The following ARHGAP44 variants were observed in gnomAD, a reference collection of about 807,000 sequenced individuals.
ARHGAP44 encodes the protein rho GTPase-activating protein 44.
A neutral mutation model predicts 106.8 loss-of-function variants in ARHGAP44; 43 were observed. The ratio of observed to expected loss-of-function variants is 0.40; its 90% CI spans 0.32 to 0.52. ARHGAP44 has a LOEUF of 0.52. Among genes scored for constraint, ARHGAP44 ranks in the 20% least tolerant of loss-of-function variants. ARHGAP44 has a pLI of 0.48. For missense variants in ARHGAP44, 866 were observed against 1,050.5 expected (o/e 0.82, Z 2.43); for synonymous variants, 439 against 410.3 (o/e 1.07, Z -0.85).
At chr17:12,877,317 AAAG>A (rs2036586758) in intron 1 of ARHGAP44, among the ~76,000 whole-genome samples, 1 of 152,270 alleles carries the variant, frequency 6.6e-6, no homozygotes, top group South Asian at 2.1e-4. Flanking sequence ...TCTATTTGGA[AAAG>A]GTTGATTTGA....
intron 10 of ARHGAP44, 102 bp downstream of exon 10, chr17:12,944,298 C>T: frequency 7.1e-7 from 1 of 1,404,348 alleles, no homozygotes; most frequent in Non-Finnish European, 9.3e-7. Context: ...CTCCGGCCCC[C>T]ACGAATCCAA....
At chr17:12,807,838 A>G (rs1403310672) in intron 1 of ARHGAP44, among the ~76,000 whole-genome samples, 2 of 152,204 alleles carry the variant, frequency 1.3e-5, no homozygotes, top group Admixed American at 6.5e-5. Context: ...GCATTAACTC[A>G]GAAGTCCACA....
intron 1 of ARHGAP44, among the ~76,000 whole-genome samples, chr17:12,850,668 G>A (rs999438470): frequency 2.0e-5 from 3 of 152,092 alleles, no homozygotes; most frequent in Admixed American, 1.3e-4. Context: ...CTGATCTCCC[G>A]CTGATGTCCA....
chr17:12,869,893 A>G (rs2036358395), intron 1 of ARHGAP44, among the ~76,000 whole-genome samples: 2 of 152,018 alleles, frequency 1.3e-5, no homozygotes, highest in African/African-American at 2.4e-5. Context: ...CCTTTTTAAT[A>G]TTGAAAGTCA....
intron 1 of ARHGAP44, among the ~76,000 whole-genome samples, chr17:12,869,460 A>C (rs1023755789): frequency 3.3e-5 from 5 of 152,086 alleles, no homozygotes; most frequent in African/African-American, 1.2e-4. Flanking sequence ...TTACAACTGG[A>C]AAAATACATA....
At chr17:12,806,886 G>T (rs973755647) in intron 1 of ARHGAP44, among the ~76,000 whole-genome samples, 1 of 152,122 alleles carries the variant, frequency 6.6e-6, no homozygotes, top group Non-Finnish European at 1.5e-5. Context: ...GTTGATAGGG[G>T]GTAAGAGGGA....
At chr17:12,810,308 G>A (rs910643024) in intron 1 of ARHGAP44, among the ~76,000 whole-genome samples, 1 of 152,206 alleles carries the variant, frequency 6.6e-6, no homozygotes, top group Non-Finnish European at 1.5e-5. Flanking sequence ...CCAAGGCTGT[G>A]CTCTCTGAAG....
At chr17:12,905,729 T>A (rs1205541209) in intron 3 of ARHGAP44, among the ~76,000 whole-genome samples, 2 of 152,248 alleles carry the variant, frequency 1.3e-5, no homozygotes, top group Non-Finnish European at 2.9e-5. Context: ...AAATCCTCTC[T>A]TCTTTGTCCA....
intron 6 of ARHGAP44, among the ~76,000 whole-genome samples, chr17:12,924,052 T>G (rs2038164789): frequency 6.6e-6 from 1 of 152,334 alleles, no homozygotes; most frequent in South Asian, 2.1e-4. Context: ...TGAAGTATGC[T>G]CTGCAGCACT....
At chr17:12,849,273 T>G (rs2035667669) in intron 1 of ARHGAP44, among the ~76,000 whole-genome samples, 1 of 151,994 alleles carries the variant, frequency 6.6e-6, no homozygotes, top group Non-Finnish European at 1.5e-5. Context: ...ATAAGGCTGT[T>G]TTCAGATTCT....
chr17:12,900,580 T>C (rs1470764513), intron 3 of ARHGAP44, among the ~76,000 whole-genome samples: 1 of 152,194 alleles, frequency 6.6e-6, no homozygotes, highest in Non-Finnish European at 1.5e-5. Flanking sequence ...GTGGAAGTGT[T>C]TCTCCACCTT....
At chr17:12,879,730 A>G (rs2036668439) in intron 1 of ARHGAP44, among the ~76,000 whole-genome samples, 1 of 150,330 alleles carries the variant, frequency 6.7e-6, no homozygotes. Flanking sequence ...AAATATATAT[A>G]TATACACACA....
At chr17:12,823,401 C>G (rs528955477) in intron 1 of ARHGAP44, among the ~76,000 whole-genome samples, 94 of 152,276 alleles carry the variant, frequency 6.2e-4, no homozygotes, top group African/African-American at 2.0e-3. Flanking sequence ...CTTCTCCAGT[C>G]CTTTCTCTTA....
At chr17:12,929,800 A>G (rs981311431) in intron 7 of ARHGAP44, among the ~76,000 whole-genome samples, 2 of 152,220 alleles carry the variant, frequency 1.3e-5, no homozygotes, top group African/African-American at 4.8e-5. Flanking sequence ...CATTTCTGTA[A>G]CTATTCTGGG....
chr17:12,844,060 C>T (rs542636535), intron 1 of ARHGAP44, among the ~76,000 whole-genome samples: 24 of 152,124 alleles, frequency 1.6e-4, no homozygotes, highest in South Asian at 4.1e-4. Flanking sequence ...TTTAGCCTTA[C>T]GTGGACTCTT....
rs185234192 is a variant in ARHGAP44 at position 12,953,920 on chromosome 17, T to C, written c.1136+1339T>C. On this transcript the variant is annotated intron_variant, in intron 13 of 20. Transcript: ENST00000379672. ...TGTTTTTCTTGAGACAGAGTCTCAC[T>C]CTATCTCCCAGGCTGGAGTCCAGTG... is the stretch of plus-strand genomic sequence containing the variant. Among the ~76,000 whole-genome samples the C allele has an allele frequency of 7.5e-4, 114 of 152,276 alleles. 1 individual carries two copies. The highest frequency in any genetic ancestry group is 2.9e-4 in the Non-Finnish European group (20 of 68,022).
intron 1 of ARHGAP44, among the ~76,000 whole-genome samples, chr17:12,796,923 A>G: frequency 6.6e-6 from 1 of 152,090 alleles, no homozygotes; most frequent in Non-Finnish European, 1.5e-5. Flanking sequence ...GAACATTTTT[A>G]AAGTTCTCTT....
chr17:12,929,165 T>TC (rs2038330612), intron 7 of ARHGAP44, 119 bp downstream of exon 7: 3 of 928,456 alleles, frequency 3.2e-6, no homozygotes, highest in Non-Finnish European at 4.9e-6. Context: ...GAACTGAATG[T>TC]CCCCAAGCCC....
chr17:12,941,147 T>C (rs1367749714), intron 8 of ARHGAP44, 23 bp downstream of exon 8: 1 of 1,608,832 alleles, frequency 6.2e-7, no homozygotes, highest in South Asian at 1.1e-5. Context: ...AAAGGTGAGA[T>C]TGCTTAAAGG....
Sources: gnomAD v4.1 joint callset for allele counts (sites outside exome capture counted in the v4.1 genomes callset) on GRCh38, gnomAD v4.1.1 for gene constraint, MANE v1.5 for transcripts, NCBI Gene and HGNC (gene_info 2026-07-23, HGNC 2026-07-21) for gene names.